Variants in MYCL observed in about 807,000 individuals in gnomAD.
The protein encoded by MYCL is protein L-Myc.
In MYCL, 11 loss-of-function variants were observed where a neutral mutation model predicts 31.0. The ratio of observed to expected loss-of-function variants is 0.35; its 90% CI spans 0.22 to 0.59. MYCL has a LOEUF of 0.59. MYCL is among the 20% of genes least tolerant of loss of function. MYCL has a pLI of 0.79. For synonymous variants in MYCL, 208 were observed against 202.4 expected (o/e 1.03, Z -0.23); for missense variants, 427 against 486.1 (o/e 0.88, Z 1.14).
In MYCL at chr1:39,901,252, C is replaced by CG; in HGVS notation, c.182dup (p.Glu62GlyfsTer32). On this transcript the variant is annotated frameshift_variant, in exon 1 of 2. Coordinates refer to ENST00000372816, the MANE Select transcript of MYCL (RefSeq NM_001033081.3). LOFTEE classifies it high-confidence loss of function. The surrounding 1 kb of genome is among the most constrained non-coding windows in gnomAD (Gnocchi z 6.9). ...CGGTGCACCCTCCGGGCCACGGCTC[C>CG]GGGGGACCAATCCCGGGGGCCGGGT... The CG allele has an allele frequency of 6.2e-7, 1 of 1,606,458 alleles. No individual in the cohort carries two copies. Among genetic ancestry groups the CG allele is most frequent in the Non-Finnish European group, 8.5e-7 (1 of 1,176,910 alleles).
chr1:39,901,644 C>G lies in MYCL; in HGVS notation c.-210G>C. The G allele has an allele frequency of 7.3e-7, 1 of 1,363,316 alleles. No homozygotes were observed. The highest frequency in any genetic ancestry group is 1.8e-5 in the South Asian group (1 of 55,854). 84.5% of individuals were successfully genotyped at this position (1,363,316 alleles called of 1,614,324 possible). ...GGAAGCCAATCGCAGCGCGCGGACCCGACTGTGGGCAGCGAGTTCAAAGCA... is the reference window on the plus strand; with the variant it reads ...GGAAGCCAATCGCAGCGCGCGGACCGGACTGTGGGCAGCGAGTTCAAAGCA... On this transcript the variant is annotated 5_prime_UTR_variant, in exon 1 of 2. Transcript: ENST00000372816. This position sits in a 1 kb window ranked among gnomAD's most constrained non-coding sequence, Gnocchi z 6.9.
rs200057524 is a variant in MYCL, at chr1:39,901,309, C to T, written c.126G>A (p.Ser42=). Reference sequence around the variant, plus strand: ...CGCCGGGACCCAAGCCCCAGGGCGGCGACGTGGGGGGCGATGGCACCAGCT... The same window carrying T: ...CGCCGGGACCCAAGCCCCAGGGCGGTGACGTGGGGGGCGATGGCACCAGCT... ...KFELVPSPPT[S]PPWGLGPGAG... is the part of the protein sequence containing the mutation. Residue 42 remains serine, a synonymous_variant, in exon 1 of 2, where the codon TCG becomes TCA. Transcript: ENST00000372816. This position sits in a 1 kb window ranked among gnomAD's most constrained non-coding sequence, Gnocchi z 6.9. 1.9e-6 allele frequency: 3 copies of T among 1,602,994 alleles called. No individual in the cohort carries two copies. The highest frequency in any genetic ancestry group is 1.7e-6 in the Non-Finnish European group (2 of 1,175,426).
In MYCL at chr1:39,901,882, C is replaced by A. The variant is rs766492249; in HGVS notation, c.-448G>T. On this transcript the variant is annotated 5_prime_UTR_variant, in exon 1 of 2. Coordinates refer to ENST00000372816, the MANE Select transcript of MYCL (RefSeq NM_001033081.3). This position sits in a 1 kb window ranked among gnomAD's most constrained non-coding sequence, Gnocchi z 6.9. ...GGGGCAGCCCGGCAGCCAGCACACACGCACATGCGCGCCGCCGAGAGCGCG... is the reference window on the plus strand; with the variant it reads ...GGGGCAGCCCGGCAGCCAGCACACAAGCACATGCGCGCCGCCGAGAGCGCG... 4.3e-6 allele frequency: 5 copies of A among 1,166,688 alleles called. No homozygotes were observed. The South Asian group carries it at 1.4e-4, about 33-fold the overall frequency. The allele number at this position is 1,166,688 out of a possible 1,614,324, so 72.3% of individuals were successfully genotyped here. A position where few individuals can be genotyped will look rare whatever the true frequency, so the allele number is the denominator to read the frequency against.
Position 39,901,081 on chromosome 1 carries a change from G to C in MYCL, c.354C>G (p.Pro118=). The C allele has an allele frequency of 6.4e-7, 1 of 1,569,404 alleles. No homozygotes were observed. Among genetic ancestry groups the C allele is most frequent in the Non-Finnish European group, 8.6e-7 (1 of 1,157,362 alleles). The change falls in exon 1 of 2, where the codon CCC becomes CCG. Residue 118 remains proline (P), a synonymous_variant. Transcript: ENST00000372816. The surrounding 1 kb of genome is among the most constrained non-coding windows in gnomAD (Gnocchi z 6.9). ...CGGACGCCTTGGGCGGGTTCCCCCG[G>C]GGCGCGCCAGGAGCGAGCCGGTCGC... ...AVSDRLAPGA[P]RGNPPKASAA...
rs1222045760 is a variant in MYCL at position 39,901,448 on chromosome 1, G to A, written c.-14C>T. 1.2e-6 allele frequency: 2 copies of A among 1,606,722 alleles called. No homozygotes were observed. The highest frequency in any genetic ancestry group is 2.2e-5 in the South Asian group (2 of 90,760). On this transcript the variant is annotated 5_prime_UTR_variant, in exon 1 of 2. Coordinates refer to ENST00000372816, the MANE Select transcript of MYCL (RefSeq NM_001033081.3). This position sits in a 1 kb window ranked among gnomAD's most constrained non-coding sequence, Gnocchi z 6.9. ...GTCGTAGTCCATGTCCGCTCCCTGC[G>A]GGAGGGAAGGGGGGACGTGCTGACC...
chr1:39,898,908 C>T, intron 1 of MYCL: 1 of 985,468 alleles, frequency 1.0e-6, no homozygotes, highest in South Asian at 4.7e-5. Context: ...TCCTCCTGCT[C>T]CACACATTTT....
intron 1 of MYCL, chr1:39,899,671 C>A (rs749537006): frequency 7.3e-4 from 716 of 985,228 alleles, no homozygotes; most frequent in Non-Finnish European, 8.1e-4. Context: ...AGCCATTAAA[C>A]AAACATAAAC....
chr1:39,900,161 G>A (rs1451651857), intron 1 of MYCL: 1 of 985,520 alleles, frequency 1.0e-6, no homozygotes. Flanking sequence ...TATTGAGGGG[G>A]AGCAAGAAGG....
Position 39,901,308 on chromosome 1 carries a change from G to T in MYCL, c.127C>A (p.Pro43Thr), listed in dbSNP as rs1456808989. 11 of 1,603,298 alleles carry T rather than the reference G, an allele frequency of 6.9e-6. No homozygotes were observed. The highest frequency in any genetic ancestry group is 9.4e-6 in the Non-Finnish European group (11 of 1,175,674). The change falls in exon 1 of 2, where the codon CCG (proline) becomes ACG (threonine). Residue 43 changes from proline to threonine, a missense_variant. Pro to Thr is a conservative substitution (Grantham distance 38). Coordinates refer to ENST00000372816, the MANE Select transcript of MYCL (RefSeq NM_001033081.3). The surrounding 1 kb of genome is among the most constrained non-coding windows in gnomAD (Gnocchi z 6.9). The part of the protein sequence containing the change: ...FELVPSPPTS[P>T]PWGLGPGAGD... ...GCGCCGGGACCCAAGCCCCAGGGCG[G>T]CGACGTGGGGGGCGATGGCACCAGC...
rs1043961304 is a variant in MYCL at position 39,897,225 on chromosome 1, G to T, written c.*147C>A. On this transcript the variant is annotated 3_prime_UTR_variant, in exon 2 of 2. Coordinates refer to ENST00000372816, the MANE Select transcript of MYCL (RefSeq NM_001033081.3). The surrounding 1 kb of genome is among the most constrained non-coding windows in gnomAD (Gnocchi z 4.3). Reference sequence around the variant, plus strand: ...GTTTCCAAGAATGCAAGCCTTTATTGTGTGTGCACCGGCTGCAATGCATTC... The same window carrying T: ...GTTTCCAAGAATGCAAGCCTTTATTTTGTGTGCACCGGCTGCAATGCATTC... 2 of 735,684 alleles carry T rather than the reference G, an allele frequency of 2.7e-6. No homozygotes were observed. The highest frequency in any genetic ancestry group is 1.8e-5 in the African/African-American group (1 of 57,060). 45.6% of individuals were successfully genotyped at this position (735,684 alleles called of 1,614,324 possible). A position where few individuals can be genotyped will look rare whatever the true frequency, so the allele number is the denominator to read the frequency against.
chr1:39,898,026 A>T (rs1351839538), intron 1 of MYCL, 56 bp from the exon 2 acceptor site: 1 of 1,569,672 alleles, frequency 6.4e-7, no homozygotes, highest in Non-Finnish European at 8.6e-7. Flanking sequence ...ACACAAACAT[A>T]GACCCTACAG....
chr1:39,900,734 G>T, intron 1 of MYCL: 1 of 1,402,226 alleles, frequency 7.1e-7, no homozygotes, highest in South Asian at 1.7e-5. Context: ...AGGGAGGCTG[G>T]CTCCCACGCC....
At position 39,896,142 on chromosome 1, in the gene MYCL, C is replaced by G. The variant is rs1300751256; in HGVS notation, c.*1230G>C. The stretch of plus-strand genomic sequence containing the variant: ...GTAAAATCCATCATGGTTGGCTAAG[C>G]ATATCTCCTGGAGGCTCCTTTAAAA... On this transcript the variant is annotated 3_prime_UTR_variant, in exon 2 of 2. Transcript: ENST00000372816. The G allele has an allele frequency of 4.8e-6, 1 of 207,054 alleles. No individual in the cohort carries two copies. Among genetic ancestry groups the G allele is most frequent in the Non-Finnish European group, 9.9e-6 (1 of 101,506 alleles). The allele number at this position is 207,054 out of a possible 1,614,324, so 12.8% of individuals were successfully genotyped here. A position where few individuals can be genotyped will look rare whatever the true frequency, so the allele number is the denominator to read the frequency against.
chr1:39,898,684 CA>C (rs1644506412), intron 1 of MYCL: 3 of 985,362 alleles, frequency 3.0e-6, no homozygotes, highest in Non-Finnish European at 3.6e-6. Context: ...GATTTGTAAT[CA>C]TAGGTCGGCG....
At chr1:39,899,143 C>A in intron 1 of MYCL, 1 of 935,090 alleles carries the variant, frequency 1.1e-6, no homozygotes, top group Non-Finnish European at 1.3e-6. Flanking sequence ...TCTGTCTTAC[C>A]CAGCCCCTAG....
Position 39,897,659 on chromosome 1 carries a change from G to C in MYCL, c.808C>G (p.Pro270Ala). ...VESEAAQSCH[P>A]KPVSSDTEDV... ...TCAGTATCAGAACTGACAGGTTTGG[G>C]GTGGCAGGACTGGGCAGCCTCACTT... The change falls in exon 2 of 2, where the codon CCC (proline) becomes GCC (alanine). Residue 270 changes from proline (P) to alanine (A), a missense_variant. Physicochemically the swap from Pro to Ala is conservative, Grantham distance 27. Coordinates refer to ENST00000372816, the MANE Select transcript of MYCL (RefSeq NM_001033081.3). The surrounding 1 kb of genome is among the most constrained non-coding windows in gnomAD (Gnocchi z 4.3). 1 of 1,614,158 alleles carries C rather than the reference G, an allele frequency of 6.2e-7. No individual in the cohort carries two copies.
At chr1:39,900,804 A>C in intron 1 of MYCL, 135 bp downstream of exon 1, 10 of 1,466,300 alleles carry the variant, frequency 6.8e-6, no homozygotes, top group Non-Finnish European at 8.1e-6. Flanking sequence ...TGGGGACTAC[A>C]CGGGCAGCTT....
In MYCL at chr1:39,897,772, C is replaced by A. The variant is rs1360155550; in HGVS notation, c.695G>T (p.Gly232Val). The change falls in exon 2 of 2, where the codon GGT becomes GTT. Residue 232 changes from glycine to valine, a missense_variant. Physicochemically the swap from Gly to Val is moderately radical, Grantham distance 109 (BLOSUM62 -3). Coordinates refer to ENST00000372816, the MANE Select transcript of MYCL (RefSeq NM_001033081.3). This position sits in a 1 kb window ranked among gnomAD's most constrained non-coding sequence, Gnocchi z 4.3. Reference protein sequence around the residue: ...SCSQEEASERGPQEEVLERDA... With the variant: ...SCSQEEASERVPQEEVLERDA... ...TCTCTCCAGAACCTCTTCTTGGGGA[C>A]CCCTCTCTGAAGCCTCTTCTTGGGA... 1 of 1,614,168 alleles carries A rather than the reference C, an allele frequency of 6.2e-7. No homozygotes were observed. Among genetic ancestry groups the A allele is most frequent in the Non-Finnish European group, 8.5e-7 (1 of 1,180,032 alleles).
chr1:39,899,350 G>C (rs1324683544), intron 1 of MYCL, among the ~76,000 whole-genome samples: 1 of 152,236 alleles, frequency 6.6e-6, no homozygotes, highest in East Asian at 1.9e-4. Context: ...TCAGTGTTAA[G>C]CCTCGTGGCT....
Sources: allele counts gnomAD v4.1 joint callset (sites outside exome capture counted in the v4.1 genomes callset), GRCh38; gene constraint gnomAD v4.1.1; non-coding constraint Gnocchi (gnomAD v3.1); transcripts MANE v1.5; gene names NCBI Gene and HGNC (gene_info 2026-07-23, HGNC 2026-07-21).